SUCLG2: variants seen among roughly 807,000 people sequenced by gnomAD.
SUCLG2 encodes succinate-CoA ligase GDP-forming subunit beta, also known as succinate--CoA ligase [GDP-forming] subunit beta, mitochondrial.
SUCLG2 carries 42 observed loss-of-function variants against 47.9 expected under a neutral mutation model. That is an observed-to-expected ratio of 0.88 (90% confidence interval 0.69 to 1.14). The LOEUF is 1.14. SUCLG2 is among the 50% of genes most tolerant of loss of function. SUCLG2 has a pLI of 0.00. For missense variants in SUCLG2, 571 were observed against 525.9 expected (o/e 1.09, Z -0.84); for synonymous variants, 195 against 197.3 (o/e 0.99, Z 0.10).
chr3:67,599,671 C>T lies in SUCLG2; in HGVS notation c.226+9784G>A, dbSNP rs182055949. On this transcript the variant is annotated intron_variant, in intron 2 of 10. Coordinates refer to ENST00000307227, the MANE Select transcript of SUCLG2 (RefSeq NM_003848.4). The stretch of plus-strand genomic sequence containing the variant: ...ATCCACGTCCCATCTGTTTCCTCTG[C>T]CCCATGCTGAAGTGACTGGTATATT... Among the ~76,000 whole-genome samples the T allele has an allele frequency of 1.3e-4, 19 of 151,906 alleles. 1 individual carries two copies. Among genetic ancestry groups the T allele is most frequent in the African/African-American group, 3.9e-4 (16 of 41,404 alleles).
intron 10 of SUCLG2, among the ~76,000 whole-genome samples, chr3:67,399,480 C>G (rs1702634415): frequency 6.6e-6 from 1 of 152,208 alleles, no homozygotes; most frequent in African/African-American, 2.4e-5. Context: ...AGGAAAACAA[C>G]TTAACCATTT....
chr3:67,434,924 A>C (rs1575693174), intron 9 of SUCLG2, among the ~76,000 whole-genome samples: 1 of 152,232 alleles, frequency 6.6e-6, no homozygotes, highest in African/African-American at 2.4e-5. Context: ...CTACGTCTCA[A>C]CTGTTGTTAG....
chr3:67,396,683 T>C (rs1404393321), intron 10 of SUCLG2, among the ~76,000 whole-genome samples: 1 of 152,196 alleles, frequency 6.6e-6, no homozygotes, highest in Admixed American at 6.5e-5. Context: ...GAGGCCAGCA[T>C]CATCCTGATA....
At chr3:67,391,155 C>A (rs1022384552) in intron 10 of SUCLG2, among the ~76,000 whole-genome samples, 2 of 152,094 alleles carry the variant, frequency 1.3e-5, no homozygotes, top group Non-Finnish European at 2.9e-5. Context: ...ATTATCCCAC[C>A]CCCTTCATTC....
intron 4 of SUCLG2, among the ~76,000 whole-genome samples, chr3:67,527,206 C>T (rs529472009): frequency 6.6e-6 from 1 of 152,244 alleles, no homozygotes; most frequent in Non-Finnish European, 1.5e-5. Flanking sequence ...CAGTGTCCTG[C>T]AGCATGGTGC....
chr3:67,641,542 G>A (rs1014007100), intron 1 of SUCLG2, among the ~76,000 whole-genome samples: 2 of 152,206 alleles, frequency 1.3e-5, no homozygotes, highest in African/African-American at 4.8e-5. Context: ...CCACACCCAC[G>A]TTGTCTCAAT....
At chr3:67,360,792 T>C in intron 10 of SUCLG2, 1 of 1,495,792 alleles carries the variant, frequency 6.7e-7, no homozygotes, top group South Asian at 1.3e-5. Context: ...GAGATTCTTG[T>C]AATGAGTTTT....
intron 9 of SUCLG2, among the ~76,000 whole-genome samples, chr3:67,411,059 A>G (rs1242842100): frequency 6.6e-6 from 1 of 152,166 alleles, no homozygotes; most frequent in African/African-American, 2.4e-5. Flanking sequence ...GAACACCCAT[A>G]AAATTGGCAA....
intron 9 of SUCLG2, among the ~76,000 whole-genome samples, chr3:67,444,076 C>T (rs1234405819): frequency 7.1e-5 from 8 of 111,976 alleles, no homozygotes; most frequent in East Asian, 3.9e-4. Context: ...GTCAGCCCCC[C>T]GCCTGGCCAG....
At chr3:67,520,129 T>C (rs1254383537) in intron 5 of SUCLG2, among the ~76,000 whole-genome samples, 1 of 152,186 alleles carries the variant, frequency 6.6e-6, no homozygotes, top group Non-Finnish European at 1.5e-5. Flanking sequence ...CCGGATCATA[T>C]ATAATATTAA....
intron 6 of SUCLG2, among the ~76,000 whole-genome samples, chr3:67,509,590 C>T (rs945298677): frequency 6.6e-6 from 1 of 152,170 alleles, no homozygotes; most frequent in African/African-American, 2.4e-5. Flanking sequence ...TTCTCCACTG[C>T]CTATGACACA....
chr3:67,498,462 G>C (rs1472353007), intron 7 of SUCLG2, among the ~76,000 whole-genome samples, 167 bp from the exon 8 acceptor site: 2 of 152,050 alleles, frequency 1.3e-5, no homozygotes, highest in Non-Finnish European at 2.9e-5. Context: ...TAAATTTTAG[G>C]GTTTGGTCCC....
chr3:67,500,381 G>T (rs1293149189), intron 7 of SUCLG2, among the ~76,000 whole-genome samples: 1 of 152,092 alleles, frequency 6.6e-6, no homozygotes, highest in Non-Finnish European at 1.5e-5. Flanking sequence ...TATATAGACC[G>T]CACATGACTT....
At chr3:67,534,754 C>G (rs1291268402) in intron 2 of SUCLG2, among the ~76,000 whole-genome samples, 2 of 124,950 alleles carry the variant, frequency 1.6e-5, no homozygotes, top group Non-Finnish European at 3.2e-5. Context: ...GACAGAACTC[C>G]CTAACACTGA....
chr3:67,615,892 T>C lies in SUCLG2; in HGVS notation c.85-6296A>G, dbSNP rs6800079. 6.6e-5 allele frequency among the ~76,000 whole-genome samples: 10 copies of C among 152,154 alleles called. No individual in the cohort carries two copies. The South Asian group carries it at 1.2e-3, about 19-fold the overall frequency. On this transcript the variant is annotated intron_variant, in intron 1 of 10. Coordinates refer to ENST00000307227, the MANE Select transcript of SUCLG2 (RefSeq NM_003848.4). ...AATTGTACATAACAAAAGGATACGATTGGAAATGATCCAAATGCCCATCAA... is the reference window on the plus strand; with the variant it reads ...AATTGTACATAACAAAAGGATACGACTGGAAATGATCCAAATGCCCATCAA...
intron 9 of SUCLG2, among the ~76,000 whole-genome samples, chr3:67,426,868 A>G (rs1052924072): frequency 3.9e-5 from 6 of 152,168 alleles, no homozygotes; most frequent in African/African-American, 1.4e-4. Context: ...CGGAGGTTGC[A>G]GTGAGCTGAG....
intron 1 of SUCLG2, among the ~76,000 whole-genome samples, chr3:67,614,784 G>T (rs890316677): frequency 4.6e-5 from 7 of 152,088 alleles, no homozygotes; most frequent in East Asian, 1.9e-4. Context: ...TTACAGTCAG[G>T]AACCTGGAGG....
At chr3:67,462,794 C>T (rs934729847) in intron 9 of SUCLG2, among the ~76,000 whole-genome samples, 2 of 152,188 alleles carry the variant, frequency 1.3e-5, no homozygotes, top group South Asian at 2.1e-4. Flanking sequence ...CAATCAGCAT[C>T]GGAAGTGAGG....
At chr3:67,573,998 G>A (rs748646624) in intron 2 of SUCLG2, among the ~76,000 whole-genome samples, 11 of 152,176 alleles carry the variant, frequency 7.2e-5, no homozygotes, top group Non-Finnish European at 1.2e-4. Context: ...TCCTGGGCTT[G>A]TAGTACTAAG....
Sources: gnomAD v4.1 joint callset for allele counts (sites outside exome capture counted in the v4.1 genomes callset) on GRCh38, gnomAD v4.1.1 for gene constraint, MANE v1.5 for transcripts, NCBI Gene and HGNC (gene_info 2026-07-23, HGNC 2026-07-21) for gene names.